Variants in INO80 observed in about 807,000 individuals in gnomAD.
INO80 encodes the protein INO80 complex ATPase subunit.
In INO80, 20 loss-of-function variants were observed where a neutral mutation model predicts 203.4. That is an observed-to-expected ratio of 0.10 (90% confidence interval 0.07 to 0.14). INO80 has a LOEUF of 0.14. Among genes scored for constraint, INO80 ranks in the 10% least tolerant of loss-of-function variants. The pLI is 1.00. For missense variants in INO80, 1,419 were observed against 1,914.4 expected (o/e 0.74, Z 4.83); for synonymous variants, 726 against 685.2 (o/e 1.06, Z -0.93).
At position 41,093,927 on chromosome 15, in the gene INO80, C is replaced by T. The variant is rs778124921; in HGVS notation, c.381+1674G>A. On this transcript the variant is annotated intron_variant, in intron 4 of 35. Transcript: ENST00000648947. ...TATAACTCAATTTTTCAAAATATGA[C>T]GGCTAAGCATAACAATTTCTGCATT... Among the ~76,000 whole-genome samples the T allele has an allele frequency of 9.2e-5, 14 of 152,212 alleles. 1 individual carries two copies. The South Asian group carries it at 1.0e-3, about 11-fold the overall frequency.
At chr15:41,070,121 G>A (rs1460446348) in intron 13 of INO80, among the ~76,000 whole-genome samples, 1 of 152,198 alleles carries the variant, frequency 6.6e-6, no homozygotes, top group African/African-American at 2.4e-5. Flanking sequence ...GAGTTAAGTT[G>A]AAAAAGAGGC....
Position 41,005,788 on chromosome 15 carries a change from C to A in INO80, c.3403-101G>T, listed in dbSNP as rs992423242. The A allele has an allele frequency of 4.1e-4, 249 of 611,334 alleles. No individual in the cohort carries two copies. Among genetic ancestry groups the A allele is most frequent in the East Asian group, 8.9e-5 (3 of 33,604 alleles). The allele number at this position is 611,334 out of a possible 1,614,324, so 37.9% of individuals were successfully genotyped here. ...TCTTCTACCTTGTCCACACTGGAGG[C>A]AAGCCATTATAACCAGAATGGGGAG... On this transcript the variant is annotated intron_variant, in intron 27 of 35. Transcript: ENST00000648947.
rs373999299 is a variant in INO80 at position 41,112,363 on chromosome 15, AATAT to A, written c.-44+3606_-44+3609del. Among the ~76,000 whole-genome samples the A allele has an allele frequency of 1.6e-3, 243 of 152,308 alleles. 2 individuals carry two copies. The highest frequency in any genetic ancestry group is 1.1e-3 in the African/African-American group (46 of 41,570). On this transcript the variant is annotated intron_variant, in intron 1 of 35. Coordinates refer to ENST00000648947, the MANE Select transcript of INO80 (RefSeq NM_017553.3). ...GAAGTTTCAAGAAAATTAAAATGAT[AATAT>A]ATAAAGTATCTACCATACTCACTGA...
chr15:41,109,620 A>C (rs1463508436), intron 1 of INO80, among the ~76,000 whole-genome samples: 1 of 151,604 alleles, frequency 6.6e-6, no homozygotes, highest in East Asian at 2.0e-4. Flanking sequence ...AACATGGTGA[A>C]ACCCTATCTT....
chr15:41,086,559 G>A (rs1161948163), intron 6 of INO80, among the ~76,000 whole-genome samples: 1 of 151,730 alleles, frequency 6.6e-6, no homozygotes, highest in Non-Finnish European at 1.5e-5. Context: ...GCTGAGGCAT[G>A]AGAATTGCGT....
In INO80 at chr15:41,021,006, T is replaced by G; in HGVS notation, c.3168A>C (p.Glu1056Asp). Reference protein sequence around the residue: ...AKQCLLNGAPELAADWLNRRS... With the variant: ...AKQCLLNGAPDLAADWLNRRS... ...GTCTATTTAGCCAGTCTGCAGCCAG[T>G]TCAGGGGCCCCATTCAACAAACACT... Residue 1056 changes from glutamate (E) to aspartate (D), a missense_variant, in exon 26 of 36, where the codon GAA becomes GAC. Glu to Asp is a conservative substitution (Grantham distance 45, BLOSUM62 2). This residue lies in a region of INO80 where 302 missense variants were observed against 345.4 expected (regional missense o/e 0.87). Coordinates refer to ENST00000648947, the MANE Select transcript of INO80 (RefSeq NM_017553.3). 1.2e-6 allele frequency: 2 copies of G among 1,614,076 alleles called. No homozygotes were observed. Among genetic ancestry groups the G allele is most frequent in the Non-Finnish European group, 1.7e-6 (2 of 1,179,958 alleles).
intron 34 of INO80, 90 bp from the exon 35 acceptor site, chr15:40,983,167 G>A (rs1439740742): frequency 9.5e-6 from 10 of 1,058,086 alleles, no homozygotes; most frequent in South Asian, 3.0e-5. Flanking sequence ...CAGGGAAAGC[G>A]AGCTCTTAGG....
chr15:41,024,571 C>T (rs2044347543), intron 25 of INO80: 3 of 152,248 alleles, frequency 2.0e-5, no homozygotes, highest in Admixed American at 1.3e-4. Flanking sequence ...CGCGTCCTTC[C>T]TGAGGACACG....
At chr15:40,981,175 TCCACAGTGGAA>T (rs71104758) in intron 35 of INO80, among the ~76,000 whole-genome samples, 134,874 of 152,064 alleles carry the variant, frequency 0.89, 61,694 homozygotes, top group East Asian at 1. Context: ...TCTCTCCTCA[TCCACAGTGGAA>T]CCACGGGTAC....
At chr15:41,110,770 A>G (rs1279343545) in intron 1 of INO80, among the ~76,000 whole-genome samples, 1 of 151,898 alleles carries the variant, frequency 6.6e-6, no homozygotes, top group Admixed American at 6.6e-5. Context: ...TAAGTAAATG[A>G]TATCACTGTT....
chr15:41,108,227 C>T (rs553712865), intron 1 of INO80, among the ~76,000 whole-genome samples: 1 of 152,240 alleles, frequency 6.6e-6, no homozygotes, highest in East Asian at 1.9e-4. Flanking sequence ...TTAAATGATA[C>T]AACTTTCAGT....
intron 14 of INO80, among the ~76,000 whole-genome samples, chr15:41,068,383 G>C (rs941908671): frequency 2.0e-5 from 3 of 151,980 alleles, no homozygotes; most frequent in Admixed American, 2.0e-4. Flanking sequence ...CGTCAGTAGA[G>C]AAACCCCGTC....
At chr15:41,093,348 C>T (rs2045672891) in intron 4 of INO80, among the ~76,000 whole-genome samples, 1 of 151,950 alleles carries the variant, frequency 6.6e-6, no homozygotes, top group Admixed American at 6.6e-5. Flanking sequence ...TCGCTTGAAC[C>T]CAGGAGGGAG....
intron 24 of INO80, among the ~76,000 whole-genome samples, chr15:41,031,973 CACAGCACAGCACAGCACAGCACAGG>C (rs1555401142): frequency 7.2e-5 from 6 of 83,620 alleles, no homozygotes; most frequent in African/African-American, 2.1e-4. Flanking sequence ...GACAGCACAG[CACAGCACAGCACAGCACAGCACAGG>C]ACAGCACAGC....
At position 41,045,027 on chromosome 15, in the gene INO80, C is replaced by T. The variant is rs76113356; in HGVS notation, c.2784G>A (p.Gln928=). 97 of 1,613,000 alleles carry T rather than the reference C, an allele frequency of 6.0e-5. No individual in the cohort carries two copies. In the African/African-American group the frequency reaches 1.2e-3, roughly 20 times the overall value. The part of the protein sequence containing the change: ...LSLKASYRLH[Q]LRSWGAPEGE... Reference sequence around the variant, plus strand: ...CTTCTGGCGCTCCCCAGGAGCGTAGCTGATGGAGCCTGTAGGAGGCTTTCA... The same window carrying T: ...CTTCTGGCGCTCCCCAGGAGCGTAGTTGATGGAGCCTGTAGGAGGCTTTCA... Residue 928 remains glutamine, a synonymous_variant, in exon 24 of 36, where the codon CAG becomes CAA. Transcript: ENST00000648947.
At chr15:41,001,760 CT>C (rs1241632805) in intron 28 of INO80, among the ~76,000 whole-genome samples, 1 of 152,164 alleles carries the variant, frequency 6.6e-6, no homozygotes, top group Non-Finnish European at 1.5e-5. Flanking sequence ...ATAAATAAAT[CT>C]TGTATGAAAG....
intron 24 of INO80, among the ~76,000 whole-genome samples, chr15:41,028,378 C>T (rs191733668): frequency 1.2e-4 from 19 of 152,216 alleles, no homozygotes; most frequent in Admixed American, 2.6e-4. Flanking sequence ...TCAGGTGATC[C>T]GCCTGCCTTG....
chr15:41,107,199 T>C (rs1464720098), intron 1 of INO80, among the ~76,000 whole-genome samples: 1 of 152,166 alleles, frequency 6.6e-6, no homozygotes, highest in Non-Finnish European at 1.5e-5. Flanking sequence ...TTGCATACAT[T>C]AAAGTTTACT....
At chr15:41,115,923 G>A (rs1012159559) in intron 1 of INO80, 50 bp downstream of exon 1, 2 of 378,934 alleles carry the variant, frequency 5.3e-6, no homozygotes, top group African/African-American at 4.2e-5. Flanking sequence ...GGCGCAACAA[G>A]ACCTACACAA....
Sources: gnomAD v4.1 joint callset for allele counts (sites outside exome capture counted in the v4.1 genomes callset) on GRCh38, gnomAD v4.1.1 for gene constraint, gnomAD v4.1.1 regional missense constraint, MANE v1.5 for transcripts, NCBI Gene and HGNC (gene_info 2026-07-23, HGNC 2026-07-21) for gene names.